Variants in SLN observed in about 807,000 individuals in gnomAD.
The protein encoded by SLN is sarcolipin.
For synonymous variants in SLN, 19 were observed against 14.4 expected, an observed-to-expected ratio of 1.32 and a Z score of -0.72; for missense variants, 34 against 37.4, an observed-to-expected ratio of 0.91 and a Z score of 0.24.
intron 1 of SLN, among the ~76,000 whole-genome samples, chr11:107,711,530 A>T (rs544856121): frequency 6.6e-6 from 1 of 152,232 alleles, no homozygotes; most frequent in South Asian, 2.1e-4. Context: ...GCCAAGTTCC[A>T]TTTTTCTGCT....
At position 107,707,676 on chromosome 11, in the gene SLN, A is replaced by C. The variant is rs1867169249; in HGVS notation, c.*159T>G. On this transcript the variant is annotated 3_prime_UTR_variant, in exon 2 of 2. Transcript: ENST00000305991. ...CAGCATCTTTGGAGAACACATAATC[A>C]ATCCTAGCACTACAGCATAGCAGAT... 7.3e-6 allele frequency: 4 copies of C among 548,660 alleles called. No individual in the cohort carries two copies. The South Asian group carries it at 1.1e-4, about 15-fold the overall frequency. The allele number at this position is 548,660 out of a possible 1,614,324, so 34.0% of individuals were successfully genotyped here.
chr11:107,709,040 C>T (rs1003951966), intron 1 of SLN, among the ~76,000 whole-genome samples: 1 of 152,224 alleles, frequency 6.6e-6, no homozygotes. Context: ...ATGGGTACTT[C>T]GGTTTCAACA....
Position 107,707,774 on chromosome 11 carries a change from A to G in SLN, c.*61T>C. On this transcript the variant is annotated 3_prime_UTR_variant, in exon 2 of 2. Transcript: ENST00000305991. ...GTGACAATGACAGCAGTGGGGTCTC[A>G]GGGCATAGAGCAGGCAGCTCCGGAG... The G allele has an allele frequency of 7.9e-7, 1 of 1,261,566 alleles. No homozygotes were observed. The allele number at this position is 1,261,566 out of a possible 1,614,324, so 78.1% of individuals were successfully genotyped here.
intron 1 of SLN, among the ~76,000 whole-genome samples, chr11:107,710,644 G>A (rs994777867): frequency 2.0e-5 from 3 of 152,192 alleles, no homozygotes; most frequent in African/African-American, 7.2e-5. Flanking sequence ...AACAAAGTTA[G>A]CATAAATTTT....
At chr11:107,709,191 C>G (rs1051923413) in intron 1 of SLN, among the ~76,000 whole-genome samples, 16 of 152,198 alleles carry the variant, frequency 1.1e-4, no homozygotes, top group African/African-American at 3.9e-4. Flanking sequence ...GCAATGAAGT[C>G]ATCAAACTAT....
Position 107,707,893 on chromosome 11 carries a change from G to A in SLN, c.38C>T (p.Thr13Ile), listed in dbSNP as rs1357402497. Reference sequence around the variant, plus strand: ...AAGAATAACCGTAATCAAGACAATAGTGAAGTTGAGAAACAGCTCCCGGGT... The same window carrying A: ...AAGAATAACCGTAATCAAGACAATAATGAAGTTGAGAAACAGCTCCCGGGT... ...INTRELFLNF[T>I]IVLITVILMW... Residue 13 changes from threonine (T) to isoleucine (I), a missense_variant, in exon 2 of 2, where the codon ACT becomes ATT. Coordinates refer to ENST00000305991, the MANE Select transcript of SLN (RefSeq NM_003063.3). 1.2e-6 allele frequency: 2 copies of A among 1,613,890 alleles called. No homozygotes were observed. Among genetic ancestry groups the A allele is most frequent in the Non-Finnish European group, 1.7e-6 (2 of 1,179,968 alleles).
In SLN at chr11:107,707,909, G is replaced by T; in HGVS notation, c.22C>A (p.Leu8Met). The T allele has an allele frequency of 6.2e-7, 1 of 1,613,888 alleles. No homozygotes were observed. The highest frequency in any genetic ancestry group is 8.5e-7 in the Non-Finnish European group (1 of 1,179,848). MGINTRE[L>M]FLNFTIVLIT... ...AAGACAATAGTGAAGTTGAGAAACA[G>T]CTCCCGGGTGTTTATCCCCATTTTC... is the stretch of plus-strand genomic sequence containing the variant. The change falls in exon 2 of 2, where the codon CTG becomes ATG. Residue 8 changes from leucine (L) to methionine (M), a missense_variant. Leu to Met is a conservative substitution (Grantham distance 15). Transcript: ENST00000305991.
At chr11:107,711,844 G>C (rs1340266366) in intron 1 of SLN, 119 bp downstream of exon 1, 3 of 152,148 alleles carry the variant, frequency 2.0e-5, no homozygotes, top group Non-Finnish European at 4.4e-5. Flanking sequence ...CTTAAGGCAT[G>C]CTGTATCCAA....
intron 1 of SLN, among the ~76,000 whole-genome samples, chr11:107,711,721 A>G (rs1168764321): frequency 6.6e-6 from 1 of 152,122 alleles, no homozygotes; most frequent in African/African-American, 2.4e-5. Context: ...AAAAAAGACC[A>G]TCTTCCATAA....
chr11:107,711,467 A>G (rs1439964291), intron 1 of SLN, among the ~76,000 whole-genome samples: 3 of 152,226 alleles, frequency 2.0e-5, no homozygotes, highest in Non-Finnish European at 4.4e-5. Flanking sequence ...TTCCTTTCAC[A>G]CACATTTATA....
At chr11:107,709,542 T>G (rs1867189417) in intron 1 of SLN, among the ~76,000 whole-genome samples, 1 of 152,238 alleles carries the variant, frequency 6.6e-6, no homozygotes, top group Non-Finnish European at 1.5e-5. Context: ...TCATATTGTG[T>G]AATTGGCATA....
chr11:107,709,626 C>A (rs1332980707), intron 1 of SLN, among the ~76,000 whole-genome samples: 1 of 152,068 alleles, frequency 6.6e-6, no homozygotes, highest in Non-Finnish European at 1.5e-5. Flanking sequence ...GTGGGAGGAT[C>A]CCTTGAGCCT....
Position 107,707,722 on chromosome 11 carries a change from G to A in SLN, c.*113C>T. ...CAGATATTGTGAGTGCAGGTCACAG[G>A]TGCCCTCGGATGGAGAATGGCATCC... On this transcript the variant is annotated 3_prime_UTR_variant, in exon 2 of 2. Transcript: ENST00000305991. The A allele has an allele frequency of 1.3e-6, 1 of 751,398 alleles. No homozygotes were observed. The highest frequency in any genetic ancestry group is 2.4e-6 in the Non-Finnish European group (1 of 421,704). 46.5% of individuals were successfully genotyped at this position (751,398 alleles called of 1,614,324 possible).
At chr11:107,708,460 C>A (rs747442015) in intron 1 of SLN, among the ~76,000 whole-genome samples, 4 of 152,116 alleles carry the variant, frequency 2.6e-5, no homozygotes, top group Non-Finnish European at 5.9e-5. Flanking sequence ...AGCCTACCAG[C>A]CCACCCTGCA....
chr11:107,709,096 A>T (rs1220189964), intron 1 of SLN, among the ~76,000 whole-genome samples: 2 of 152,216 alleles, frequency 1.3e-5, no homozygotes, highest in Admixed American at 1.3e-4. Flanking sequence ...ATGTGCCTAG[A>T]TTGTAAACAT....
rs1012987948 is a variant in SLN at position 107,707,617 on chromosome 11, C to T, written c.*218G>A. On this transcript the variant is annotated 3_prime_UTR_variant, in exon 2 of 2. Coordinates refer to ENST00000305991, the MANE Select transcript of SLN (RefSeq NM_003063.3). ...GTTAAGAGTTGGGGAATAAATCTAC[C>T]GTTCCCTGGCAAACACTTGGCAGCC... 15 of 497,620 alleles carry T rather than the reference C, an allele frequency of 3.0e-5. No individual in the cohort carries two copies. Among genetic ancestry groups the T allele is most frequent in the Non-Finnish European group, 4.6e-5 (13 of 280,116 alleles). The allele number at this position is 497,620 out of a possible 1,614,324, so 30.8% of individuals were successfully genotyped here.
At chr11:107,708,251 T>C (rs1867176282) in intron 1 of SLN, among the ~76,000 whole-genome samples, 2 of 152,028 alleles carry the variant, frequency 1.3e-5, no homozygotes, top group Non-Finnish European at 2.9e-5. Context: ...AGGGCCCTAA[T>C]CCAATATGAC....
At position 107,707,730 on chromosome 11, in the gene SLN, G is replaced by T. The variant is rs498980; in HGVS notation, c.*105C>A. 3 of 803,988 alleles carry T rather than the reference G, an allele frequency of 3.7e-6. No homozygotes were observed. Among genetic ancestry groups the T allele is most frequent in the Admixed American group, 1.9e-5 (1 of 53,594 alleles). 49.8% of individuals were successfully genotyped at this position (803,988 alleles called of 1,614,324 possible). On this transcript the variant is annotated 3_prime_UTR_variant, in exon 2 of 2. Transcript: ENST00000305991. ...GTGAGTGCAGGTCACAGGTGCCCTC[G>T]GATGGAGAATGGCATCCTGTGACAA...
chr11:107,708,098 T>C (rs929904660), intron 1 of SLN, 93 bp from the exon 2 acceptor site: 7 of 622,664 alleles, frequency 1.1e-5, no homozygotes, highest in Non-Finnish European at 2.0e-5. Context: ...AGAAGTGTTG[T>C]GGAAAAGGAG....
Sources: gnomAD v4.1 joint callset for allele counts (sites outside exome capture counted in the v4.1 genomes callset) on GRCh38, gnomAD v4.1.1 for gene constraint, MANE v1.5 for transcripts, NCBI Gene and HGNC (gene_info 2026-07-23, HGNC 2026-07-21) for gene names.